The following CAMK1D variants were observed in gnomAD, a reference collection of about 807,000 sequenced individuals.
CAMK1D encodes calcium/calmodulin-dependent protein kinase type 1D.
A neutral mutation model predicts 47.7 loss-of-function variants in CAMK1D; 9 were observed. The observed-to-expected ratio is 0.19, with a 90% confidence interval of 0.11 to 0.33. The LOEUF (loss-of-function observed/expected upper bound fraction) is 0.33, where lower values mean the gene tolerates loss of function less well. Among genes scored for constraint, CAMK1D ranks in the 10% least tolerant of loss-of-function variants. The probability of loss-of-function intolerance (pLI) is 1.00; values close to 1 mark genes in which losing one functional copy is unlikely to be tolerated. For missense variants in CAMK1D, 291 were observed against 488.7 expected, an observed-to-expected ratio of 0.60 and a Z score of 3.81; for synonymous variants, 184 against 184.9, an observed-to-expected ratio of 0.99 and a Z score of 0.04.
chr10:12,455,512 T>C (rs1833216383), intron 1 of CAMK1D, among the ~76,000 whole-genome samples: 1 of 152,198 alleles, frequency 6.6e-6, no homozygotes, highest in Non-Finnish European at 1.5e-5. Flanking sequence ...CTTAGATTAG[T>C]TTTGCCTGCT....
intron 1 of CAMK1D, among the ~76,000 whole-genome samples, chr10:12,426,265 A>T (rs997559638): frequency 6.6e-6 from 1 of 152,000 alleles, no homozygotes; most frequent in Non-Finnish European, 1.5e-5. Context: ...TTTCTTTTTG[A>T]GATGGAGTTT....
Position 12,401,146 on chromosome 10 carries a change from TA to T in CAMK1D, c.92+51237del, listed in dbSNP as rs1252456020. Among the ~76,000 whole-genome samples, 53 of 66,684 alleles carry T rather than the reference TA, an allele frequency of 7.9e-4. 1 individual carries two copies. Among genetic ancestry groups the T allele is most frequent in the African/African-American group, 3.2e-3 (49 of 15,418 alleles). The allele number at this position is 66,684 out of a possible 152,430, so 43.7% of individuals were successfully genotyped here. A position where few individuals can be genotyped will look rare whatever the true frequency, so the allele number is the denominator to read the frequency against. On this transcript the variant is annotated intron_variant, in intron 1 of 10. Coordinates refer to ENST00000619168, the MANE Select transcript of CAMK1D (RefSeq NM_153498.4). ...ATATGTATTATATATATTATATATA[TA>T]TTTTATATATATATAATATATGTAT...
rs143584281 is a variant in CAMK1D at position 12,809,131 on chromosome 10, C to A, written c.642-5064C>A. Among the ~76,000 whole-genome samples, 230 of 148,918 alleles carry A rather than the reference C, an allele frequency of 1.5e-3. 1 individual carries two copies. The highest frequency in any genetic ancestry group is 5.3e-3 in the African/African-American group (213 of 40,132). On this transcript the variant is annotated intron_variant, in intron 6 of 10. Coordinates refer to ENST00000619168, the MANE Select transcript of CAMK1D (RefSeq NM_153498.4). ...AACTCTGTCTCAAAAAAAAAAAAAT[C>A]CATACAGAAATACTTTTTAAAAATC... is the stretch of plus-strand genomic sequence containing the variant.
intron 1 of CAMK1D, among the ~76,000 whole-genome samples, chr10:12,351,915 A>C (rs994620154): frequency 6.6e-6 from 1 of 152,318 alleles, no homozygotes; most frequent in Non-Finnish European, 1.5e-5. Flanking sequence ...TTGGACCTAG[A>C]AGAATGATAG....
At chr10:12,777,747 G>T (rs535407563) in intron 5 of CAMK1D, among the ~76,000 whole-genome samples, 48 of 152,194 alleles carry the variant, frequency 3.2e-4, no homozygotes, top group Non-Finnish European at 5.7e-4. Flanking sequence ...AACGGGTCTT[G>T]GTAAGTACAC....
chr10:12,762,461 T>C (rs1339961424), intron 4 of CAMK1D, among the ~76,000 whole-genome samples: 7 of 152,224 alleles, frequency 4.6e-5, no homozygotes, highest in African/African-American at 1.7e-4. Flanking sequence ...TTTTTCTGCA[T>C]GTTGTCATGT....
intron 3 of CAMK1D, among the ~76,000 whole-genome samples, chr10:12,743,355 A>AAAAAAAAAAAAAAAAAAAG (rs1461631779): frequency 3.4e-5 from 4 of 118,152 alleles, no homozygotes; most frequent in African/African-American, 1.1e-4. Flanking sequence ...TCAAAAAAAA[A>AAAAAAAAAAAAAAAAAAAG]AAAAGAAAAA....
intron 3 of CAMK1D, among the ~76,000 whole-genome samples, chr10:12,681,911 A>C (rs1832454878): frequency 6.6e-6 from 1 of 152,200 alleles, no homozygotes; most frequent in Non-Finnish European, 1.5e-5. Context: ...AAATGATGAG[A>C]GCTTAAATGA....
At chr10:12,474,213 T>G (rs1833833749) in intron 1 of CAMK1D, among the ~76,000 whole-genome samples, 1 of 149,742 alleles carries the variant, frequency 6.7e-6, no homozygotes, top group Admixed American at 6.6e-5. Flanking sequence ...TTTTTTTTTT[T>G]TTTTTGAGAG....
rs368286815 is a variant in CAMK1D, at chr10:12,554,793, C to T, written c.224+1437C>T. 4.6e-4 allele frequency among the ~76,000 whole-genome samples: 70 copies of T among 152,212 alleles called. 2 individuals are homozygous for T. Among genetic ancestry groups the T allele is most frequent in the Admixed American group, 2.7e-3 (42 of 15,298 alleles). On this transcript the variant is annotated intron_variant, in intron 2 of 10. Transcript: ENST00000619168. Reference sequence around the variant, plus strand: ...TCCTGGCCTCAAGCAGTCCTCCTACCGCAGCCTCCCAGATTGCTGGGATTA... The same window carrying T: ...TCCTGGCCTCAAGCAGTCCTCCTACTGCAGCCTCCCAGATTGCTGGGATTA...
At chr10:12,686,769 A>G (rs1832681190) in intron 3 of CAMK1D, among the ~76,000 whole-genome samples, 1 of 152,124 alleles carries the variant, frequency 6.6e-6, no homozygotes, top group Non-Finnish European at 1.5e-5. Flanking sequence ...GGAAGCAAAC[A>G]TTTTTTACTG....
intron 2 of CAMK1D, among the ~76,000 whole-genome samples, chr10:12,640,560 T>C (rs1839637182): frequency 6.6e-6 from 1 of 152,158 alleles, no homozygotes; most frequent in Non-Finnish European, 1.5e-5. Flanking sequence ...CAGAAGCAAA[T>C]GGTACTTTAT....
chr10:12,673,414 G>C (rs1840695148), intron 3 of CAMK1D, among the ~76,000 whole-genome samples: 1 of 152,020 alleles, frequency 6.6e-6, no homozygotes, highest in African/African-American at 2.4e-5. Context: ...ATTTTCAATG[G>C]ATCTTTATTT....
rs3013014 is a variant in CAMK1D, at chr10:12,354,700, G to T, written c.92+4790G>T. On this transcript the variant is annotated intron_variant, in intron 1 of 10. Coordinates refer to ENST00000619168, the MANE Select transcript of CAMK1D (RefSeq NM_153498.4). ...GCTGGGATTACAGACGTGAGCCGCCGCGCCCAGCCGATGAGAAAATTTTCA... is the reference window on the plus strand; with the variant it reads ...GCTGGGATTACAGACGTGAGCCGCCTCGCCCAGCCGATGAGAAAATTTTCA... 4.6e-5 allele frequency among the ~76,000 whole-genome samples: 7 copies of T among 151,780 alleles called. No individual in the cohort carries two copies. In the South Asian group the frequency reaches 1.5e-3, roughly 32 times the overall value.
intron 2 of CAMK1D, among the ~76,000 whole-genome samples, chr10:12,574,908 A>T (rs1054860710): frequency 1.5e-4 from 23 of 152,078 alleles, no homozygotes; most frequent in African/African-American, 5.6e-4. Context: ...ACCAGATCTC[A>T]CGAGAACTCA....
chr10:12,706,688 C>T (rs913939836), intron 3 of CAMK1D, among the ~76,000 whole-genome samples: 1 of 151,556 alleles, frequency 6.6e-6, no homozygotes, highest in African/African-American at 2.4e-5. Flanking sequence ...TTATAGGGAG[C>T]CAAGATTGTG....
At chr10:12,663,135 A>G (rs1039953872) in intron 2 of CAMK1D, among the ~76,000 whole-genome samples, 16 of 151,484 alleles carry the variant, frequency 1.1e-4, no homozygotes, top group Middle Eastern at 3.5e-3. Flanking sequence ...TGATTTTTGT[A>G]TTTTTAGTAG....
At chr10:12,700,440 C>T (rs552088041) in intron 3 of CAMK1D, among the ~76,000 whole-genome samples, 3 of 152,224 alleles carry the variant, frequency 2.0e-5, no homozygotes, top group East Asian at 1.9e-4. Context: ...TGGGGGTAAC[C>T]GCCCCCATGA....
At chr10:12,732,464 T>C (rs1183913721) in intron 3 of CAMK1D, among the ~76,000 whole-genome samples, 1 of 152,070 alleles carries the variant, frequency 6.6e-6, no homozygotes, top group Non-Finnish European at 1.5e-5. Flanking sequence ...AAAAAGAGGT[T>C]TAATTGGACT....
Sources: allele counts gnomAD v4.1 joint callset (sites outside exome capture counted in the v4.1 genomes callset), GRCh38; gene constraint gnomAD v4.1.1; transcripts MANE v1.5; gene names NCBI Gene and HGNC (gene_info 2026-07-23, HGNC 2026-07-21).